Variants in NELL2 observed in about 807,000 individuals in gnomAD.
NELL2 encodes the protein neural EGFL like 2.
NELL2 carries 41 observed loss-of-function variants against 109.6 expected under a neutral mutation model. That is an observed-to-expected ratio of 0.37 (90% CI 0.29 to 0.49). The LOEUF (loss-of-function observed/expected upper bound fraction) is 0.49. Ranked by LOEUF, NELL2 falls within the 20% of genes least tolerant of loss-of-function variation. The probability of loss-of-function intolerance (pLI) is 0.98; values close to 1 mark genes in which losing one functional copy is unlikely to be tolerated. For missense variants in NELL2, 900 were observed against 1,008.3 expected (o/e 0.89, Z 1.45); for synonymous variants, 355 against 344.7 (o/e 1.03, Z -0.33).
chr12:44,650,600 C>G (rs1338542915), intron 13 of NELL2, among the ~76,000 whole-genome samples: 1 of 152,010 alleles, frequency 6.6e-6, no homozygotes, highest in Non-Finnish European at 1.5e-5. Context: ...TGGCCCCACC[C>G]CCTCTCTATA....
chr12:44,635,317 T>C (rs1946597439), intron 13 of NELL2, among the ~76,000 whole-genome samples: 1 of 152,210 alleles, frequency 6.6e-6, no homozygotes, highest in Admixed American at 6.5e-5. Flanking sequence ...GTGGCTTTTG[T>C]TGCCATTGCT....
At chr12:44,521,012 T>A (rs1941501081) in intron 18 of NELL2, among the ~76,000 whole-genome samples, 1 of 152,160 alleles carries the variant, frequency 6.6e-6, no homozygotes, top group African/African-American at 2.4e-5. Context: ...AAACTGGCCA[T>A]AACTTTAAAA....
intron 12 of NELL2, among the ~76,000 whole-genome samples, chr12:44,668,991 A>C (rs570219914): frequency 6.6e-6 from 1 of 152,256 alleles, no homozygotes; most frequent in South Asian, 2.1e-4. Flanking sequence ...TGAGGGCCCA[A>C]GGACTAGCCA....
chr12:44,543,797 T>C (rs568558311), intron 15 of NELL2, among the ~76,000 whole-genome samples: 20 of 152,134 alleles, frequency 1.3e-4, no homozygotes, highest in Admixed American at 2.6e-4. Flanking sequence ...TGAGTGAATG[T>C]TTTGCAAATC....
chr12:44,671,512 A>C (rs1948137031), intron 12 of NELL2, among the ~76,000 whole-genome samples: 1 of 152,242 alleles, frequency 6.6e-6, no homozygotes, highest in African/African-American at 2.4e-5. Flanking sequence ...CTTTTTAAAA[A>C]GATAAAATAA....
chr12:44,866,450 A>G (rs1330814828), intron 2 of NELL2, among the ~76,000 whole-genome samples: 2 of 152,294 alleles, frequency 1.3e-5, no homozygotes, highest in South Asian at 4.1e-4. Flanking sequence ...TGGACACAAC[A>G]TACCAAAACA....
At chr12:44,663,696 G>A (rs1190817390) in intron 13 of NELL2, among the ~76,000 whole-genome samples, 2 of 152,162 alleles carry the variant, frequency 1.3e-5, no homozygotes, top group Admixed American at 1.3e-4. Flanking sequence ...ACTGGGAGAG[G>A]CGAAGCCAAA....
chr12:44,709,787 A>T (rs1290478558), intron 11 of NELL2, among the ~76,000 whole-genome samples: 1 of 152,148 alleles, frequency 6.6e-6, no homozygotes, highest in Non-Finnish European at 1.5e-5. Flanking sequence ...AAGTTTAAGA[A>T]ACACTGATAT....
chr12:44,886,395 G>A (rs912343231), intron 1 of NELL2, among the ~76,000 whole-genome samples: 1 of 151,672 alleles, frequency 6.6e-6, no homozygotes, highest in African/African-American at 2.4e-5. Flanking sequence ...AAAATTAAAA[G>A]TCAAGCAATA....
At chr12:44,585,750 A>G (rs1944470078) in intron 15 of NELL2, among the ~76,000 whole-genome samples, 1 of 151,990 alleles carries the variant, frequency 6.6e-6, no homozygotes, top group Non-Finnish European at 1.5e-5. Context: ...ATAAGCACAC[A>G]TGACAATGTC....
intron 2 of NELL2, among the ~76,000 whole-genome samples, chr12:44,835,248 C>T (rs944939024): frequency 9.2e-5 from 14 of 152,132 alleles, no homozygotes; most frequent in African/African-American, 7.2e-5. Context: ...TCCACTCGCC[C>T]GACGTGCTCC....
At chr12:44,680,013 A>G (rs1457420315) in intron 12 of NELL2, among the ~76,000 whole-genome samples, 3 of 152,150 alleles carry the variant, frequency 2.0e-5, no homozygotes, top group Non-Finnish European at 4.4e-5. Context: ...GTCATGCTGG[A>G]TTTGAAAATT....
intron 2 of NELL2, among the ~76,000 whole-genome samples, chr12:44,818,790 C>T (rs566003682): frequency 0.011 from 1,410 of 123,870 alleles, 23 homozygotes; most frequent in African/African-American, 0.041. Context: ...GGCCGGACTG[C>T]GGACTGCAGT....
At position 44,882,388 on chromosome 12, in the gene NELL2, G is replaced by A. The variant is rs192768690; in HGVS notation, c.39-6488C>T. Among the ~76,000 whole-genome samples the A allele has an allele frequency of 3.1e-3, 459 of 150,218 alleles. 10 individuals carry two copies. Among genetic ancestry groups the A allele is most frequent in the African/African-American group, 0.011 (430 of 40,610 alleles). ...ATATGTTGAAAATATACATACATAC[G>A]TGTATACATATACACATATGTATAT... On this transcript the variant is annotated intron_variant, in intron 1 of 20. Transcript: ENST00000333837.
chr12:44,811,484 C>T (rs1043634513), intron 3 of NELL2, among the ~76,000 whole-genome samples: 55 of 151,718 alleles, frequency 3.6e-4, no homozygotes, highest in African/African-American at 1.3e-3. Context: ...GAGATATAAG[C>T]GCAGTTCTGA....
At chr12:44,893,211 C>T (rs753390769) in intron 1 of NELL2, among the ~76,000 whole-genome samples, 1 of 152,156 alleles carries the variant, frequency 6.6e-6, no homozygotes, top group Non-Finnish European at 1.5e-5. Flanking sequence ...CAGGAATTTC[C>T]TGGTTTGTGG....
chr12:44,566,720 CAG>C (rs1212893990), intron 15 of NELL2, among the ~76,000 whole-genome samples: 4 of 152,172 alleles, frequency 2.6e-5, no homozygotes, highest in Non-Finnish European at 5.9e-5. Context: ...ACTTTGCTGA[CAG>C]AGTTTCATCA....
At chr12:44,791,088 T>TAC (rs1274623632) in intron 3 of NELL2, among the ~76,000 whole-genome samples, 122 of 11,790 alleles carry the variant, frequency 0.01, 3 homozygotes, top group South Asian at 0.04. Flanking sequence ...TATACATATA[T>TAC]ATATATATGT....
At chr12:44,747,269 A>T (rs1940420109) in intron 9 of NELL2, among the ~76,000 whole-genome samples, 1 of 151,602 alleles carries the variant, frequency 6.6e-6, no homozygotes, top group Admixed American at 6.6e-5. Flanking sequence ...TGGACACAGG[A>T]AGGGGAACAT....
Sources: gnomAD v4.1 joint callset for allele counts (sites outside exome capture counted in the v4.1 genomes callset) on GRCh38, gnomAD v4.1.1 for gene constraint, MANE v1.5 for transcripts, NCBI Gene and HGNC (gene_info 2026-07-23, HGNC 2026-07-21) for gene names.